SRBD1: variants seen among roughly 807,000 people sequenced by gnomAD.
SRBD1 encodes S1 RNA-binding domain-containing protein 1.
SRBD1 carries 88 observed loss-of-function variants against 115.3 expected under a neutral mutation model. That is an observed-to-expected ratio of 0.76 (90% CI 0.64 to 0.91). The LOEUF (loss-of-function observed/expected upper bound fraction) is 0.91. Ranked by LOEUF, SRBD1 falls within the 40% of genes least tolerant of loss-of-function variation. The pLI, the probability that SRBD1 is intolerant of heterozygous loss-of-function variation, is 0.00. For synonymous variants in SRBD1, 509 were observed against 407.7 expected, an observed-to-expected ratio of 1.25 and a Z score of -2.99; for missense variants, 1,385 against 1,177.4, an observed-to-expected ratio of 1.18 and a Z score of -2.58.
chr2:45,431,099 C>T (rs1267344526), intron 16 of SRBD1, among the ~76,000 whole-genome samples: 1 of 152,166 alleles, frequency 6.6e-6, no homozygotes, highest in Non-Finnish European at 1.5e-5. Context: ...TACAATCTCA[C>T]GCTAGTTAGA....
At position 45,532,703 on chromosome 2, in the gene SRBD1, C is replaced by A. The variant is rs138901095; in HGVS notation, c.1874+14029G>T. ...AACTGGGCGTAACCTTAGAAATGTA[C>A]GGATGTGGGGAACTTAAAAGAGGTA... On this transcript the variant is annotated intron_variant, in intron 14 of 20. Transcript: ENST00000263736. Among the ~76,000 whole-genome samples, 26 of 151,676 alleles carry A rather than the reference C, an allele frequency of 1.7e-4. 1 individual carries two copies. The highest frequency in any genetic ancestry group is 6.3e-4 in the African/African-American group (26 of 41,436).
chr2:45,497,889 C>G (rs975950163), intron 14 of SRBD1, among the ~76,000 whole-genome samples: 1 of 152,074 alleles, frequency 6.6e-6, no homozygotes, highest in Non-Finnish European at 1.5e-5. Flanking sequence ...ACAAAATCAG[C>G]CCGGCATGGT....
intron 4 of SRBD1, among the ~76,000 whole-genome samples, chr2:45,598,166 A>G (rs564212929): frequency 6.6e-6 from 1 of 152,354 alleles, no homozygotes; most frequent in Non-Finnish European, 1.5e-5. Context: ...GGTATAAATG[A>G]ACAAAGAAAA....
intron 14 of SRBD1, among the ~76,000 whole-genome samples, chr2:45,515,248 T>C (rs1428728337): frequency 6.6e-6 from 1 of 152,170 alleles, no homozygotes. Context: ...TACATGTGTA[T>C]TAATTTCTTT....
intron 16 of SRBD1, among the ~76,000 whole-genome samples, chr2:45,443,783 C>T (rs1432155269): frequency 8.6e-6 from 1 of 116,050 alleles, no homozygotes; most frequent in Admixed American, 9.9e-5. Context: ...TGGTTATATG[C>T]AAATAGTTCT....
chr2:45,560,669 T>C (rs1245747493), intron 10 of SRBD1, among the ~76,000 whole-genome samples: 1 of 152,240 alleles, frequency 6.6e-6, no homozygotes, highest in Non-Finnish European at 1.5e-5. Context: ...GTTTCCTCTA[T>C]GAAACTATCT....
intron 12 of SRBD1, among the ~76,000 whole-genome samples, 192 bp downstream of exon 12, chr2:45,550,933 T>C (rs567023651): frequency 5.3e-5 from 8 of 152,346 alleles, no homozygotes; most frequent in African/African-American, 1.9e-4. Context: ...GATAGTTGTA[T>C]ATTGAGGAGT....
At chr2:45,574,143 TA>T (rs1435897609) in intron 8 of SRBD1, among the ~76,000 whole-genome samples, 1 of 152,214 alleles carries the variant, frequency 6.6e-6, no homozygotes, top group African/African-American at 2.4e-5. Flanking sequence ...ATGCCATAGA[TA>T]AGCTGCTCTC....
chr2:45,530,963 G>T (rs1671593296), intron 14 of SRBD1, among the ~76,000 whole-genome samples: 1 of 147,862 alleles, frequency 6.8e-6, no homozygotes. Flanking sequence ...AAGACAAATG[G>T]GCAAGATGTA....
intron 16 of SRBD1, among the ~76,000 whole-genome samples, chr2:45,462,979 T>C (rs1273640650): frequency 6.7e-6 from 1 of 148,620 alleles, no homozygotes; most frequent in Non-Finnish European, 1.5e-5. Flanking sequence ...AAGTAACTTT[T>C]CTTACATGGT....
At chr2:45,430,984 A>T (rs943365855) in intron 16 of SRBD1, among the ~76,000 whole-genome samples, 8 of 152,232 alleles carry the variant, frequency 5.3e-5, no homozygotes, top group Non-Finnish European at 8.8e-5. Context: ...GGTGAAGGAT[A>T]TAAACAGACA....
At chr2:45,490,995 C>G (rs770718648) in intron 14 of SRBD1, among the ~76,000 whole-genome samples, 71 of 152,232 alleles carry the variant, frequency 4.7e-4, no homozygotes, top group Non-Finnish European at 8.7e-4. Context: ...AGAAAAACCT[C>G]AACATTGATT....
At chr2:45,509,431 C>T (rs867877280) in intron 14 of SRBD1, among the ~76,000 whole-genome samples, 55 of 152,160 alleles carry the variant, frequency 3.6e-4, no homozygotes, top group African/African-American at 1.3e-3. Context: ...CCCATCTCTA[C>T]TAAAAATACA....
At chr2:45,482,305 T>G (rs1390827110) in intron 15 of SRBD1, among the ~76,000 whole-genome samples, 2 of 152,118 alleles carry the variant, frequency 1.3e-5, no homozygotes, top group African/African-American at 4.8e-5. Flanking sequence ...ACATTATTTA[T>G]GTATGATGAT....
chr2:45,542,162 T>C (rs1572753680), intron 14 of SRBD1, among the ~76,000 whole-genome samples: 1 of 152,188 alleles, frequency 6.6e-6, no homozygotes, highest in African/African-American at 2.4e-5. Flanking sequence ...CCTGTGTTGG[T>C]TGGTGCCCAA....
chr2:45,392,266 C>T (rs1667026137), intron 20 of SRBD1, among the ~76,000 whole-genome samples: 1 of 152,138 alleles, frequency 6.6e-6, no homozygotes, highest in Non-Finnish European at 1.5e-5. Flanking sequence ...GAGCCAAGCC[C>T]TAAACACGGA....
intron 19 of SRBD1, among the ~76,000 whole-genome samples, chr2:45,394,871 T>A (rs976875596): frequency 1.2e-4 from 19 of 152,218 alleles, no homozygotes; most frequent in Admixed American, 9.2e-4. Flanking sequence ...GTCTCCCTCT[T>A]TGAAAATGAG....
intron 14 of SRBD1, among the ~76,000 whole-genome samples, chr2:45,505,995 G>T (rs1670785907): frequency 6.6e-6 from 1 of 152,168 alleles, no homozygotes; most frequent in Non-Finnish European, 1.5e-5. Flanking sequence ...TTTGTCTCCA[G>T]AGGTTAACAC....
At chr2:45,580,779 G>A (rs1338765976) in intron 6 of SRBD1, among the ~76,000 whole-genome samples, 1 of 138,420 alleles carries the variant, frequency 7.2e-6, no homozygotes, top group Non-Finnish European at 1.5e-5. Context: ...TCCTACTCCC[G>A]GGTTCAAGCA....
Sources: gnomAD v4.1 joint callset for allele counts (sites outside exome capture counted in the v4.1 genomes callset) on GRCh38, gnomAD v4.1.1 for gene constraint, MANE v1.5 for transcripts, NCBI Gene and HGNC (gene_info 2026-07-23, HGNC 2026-07-21) for gene names.